The following CLTCL1 variants were observed in gnomAD, a reference collection of about 807,000 sequenced individuals.
The protein encoded by CLTCL1 is clathrin heavy chain 2.
In CLTCL1, 159 loss-of-function variants were observed where a neutral mutation model predicts 190.0. That is an observed-to-expected ratio of 0.84 (90% CI 0.74 to 0.95). The LOEUF is 0.95. Ranked by LOEUF, CLTCL1 falls within the 40% of genes least tolerant of loss-of-function variation. The probability of loss-of-function intolerance (pLI) is 0.00; values close to 1 mark genes in which losing one functional copy is unlikely to be tolerated. For synonymous variants in CLTCL1, 752 were observed against 769.6 expected, an observed-to-expected ratio of 0.98 and a Z score of 0.38; for missense variants, 1,878 against 2,033.4, an observed-to-expected ratio of 0.92 and a Z score of 1.47.
intron 1 of CLTCL1, among the ~76,000 whole-genome samples, chr22:19,282,444 C>A (rs2087751343): frequency 6.6e-6 from 1 of 151,698 alleles, no homozygotes; most frequent in Non-Finnish European, 1.5e-5. Flanking sequence ...TCAAGACCAG[C>A]CTGGCCAACA....
intron 2 of CLTCL1, among the ~76,000 whole-genome samples, chr22:19,267,501 T>G (rs979827512): frequency 2.2e-4 from 33 of 152,204 alleles, no homozygotes; most frequent in Non-Finnish European, 4.1e-4. Context: ...TCAAAGAGTT[T>G]CAAAAACTAT....
chr22:19,232,719 T>G (rs781863793), intron 9 of CLTCL1, 121 bp from the exon 10 acceptor site: 17 of 1,269,342 alleles, frequency 1.3e-5, no homozygotes, highest in Non-Finnish European at 1.7e-5. Context: ...AACATTATCA[T>G]GTGTAGGTAC....
intron 23 of CLTCL1, among the ~76,000 whole-genome samples, chr22:19,200,646 C>A (rs2084852331): frequency 6.6e-6 from 1 of 152,144 alleles, no homozygotes; most frequent in Non-Finnish European, 1.5e-5. Flanking sequence ...AGAGACCATC[C>A]TGGCTAACAT....
At chr22:19,192,294 T>TGAACTCGTGATCTCCC (rs2084536993) in intron 26 of CLTCL1, among the ~76,000 whole-genome samples, 1 of 152,150 alleles carries the variant, frequency 6.6e-6, no homozygotes, top group Admixed American at 6.5e-5. Flanking sequence ...CTCGATCTCC[T>TGAACTCGTGATCTCCC]GACCTCGTGA....
chr22:19,217,508 C>T (rs1184041921), intron 18 of CLTCL1, among the ~76,000 whole-genome samples: 3 of 145,304 alleles, frequency 2.1e-5, no homozygotes, highest in Non-Finnish European at 4.5e-5. Context: ...CCCAGCTACT[C>T]GGGAGGCTGA....
Position 19,180,771 on chromosome 22 carries a change from C to A in CLTCL1, c.4863G>T (p.Lys1621Asn), listed in dbSNP as rs1601413281. 6.2e-6 allele frequency: 10 copies of A among 1,613,832 alleles called. No homozygotes were observed. In the East Asian group the frequency reaches 2.2e-4, roughly 36 times the overall value. Residue 1621 changes from lysine to asparagine, a missense_variant, in exon 31 of 33, where the codon AAG (lysine) becomes AAT (asparagine). Lys to Asn is a moderately conservative substitution (Grantham distance 94). Transcript: ENST00000427926. ...DKLDALESLR[K>N]QEEHVTEPAP... ...CAGGCTCTGTCACATGCTCCTCTTG[C>A]TTGCGCAGACTCTCCAAGGCATCCA... is the stretch of plus-strand genomic sequence containing the variant.
intron 2 of CLTCL1, among the ~76,000 whole-genome samples, chr22:19,271,649 T>A (rs552353536): frequency 6.6e-6 from 1 of 152,300 alleles, no homozygotes; most frequent in South Asian, 2.1e-4. Flanking sequence ...TCTCAGGTAG[T>A]TCTTTATAGC....
intron 4 of CLTCL1, among the ~76,000 whole-genome samples, chr22:19,240,889 A>C (rs2086233139): frequency 6.6e-6 from 1 of 152,162 alleles, no homozygotes; most frequent in East Asian, 1.9e-4. Context: ...CAGCAGGAGG[A>C]GGTTGGCAGA....
chr22:19,221,811 A>G (rs2085579647), intron 16 of CLTCL1, 140 bp downstream of exon 16: 2 of 1,037,392 alleles, frequency 1.9e-6, no homozygotes, highest in African/African-American at 1.6e-5. Context: ...TCACAGTACC[A>G]ATAGCAAGTA....
chr22:19,219,112 G>A (rs999210197), intron 18 of CLTCL1, among the ~76,000 whole-genome samples: 1 of 152,130 alleles, frequency 6.6e-6, no homozygotes, highest in African/African-American at 2.4e-5. Flanking sequence ...GCTATTTTTA[G>A]GCAAGCTATT....
chr22:19,226,068 G>T (rs1305642638), intron 12 of CLTCL1, 151 bp downstream of exon 12: 3 of 902,574 alleles, frequency 3.3e-6, no homozygotes, highest in East Asian at 2.7e-5. Flanking sequence ...GGCTGAATTA[G>T]AACTGCTTTT....
At position 19,191,433 on chromosome 22, in the gene CLTCL1, A is replaced by G. The variant is rs1555932085; in HGVS notation, c.4194T>C (p.Val1398=). ...CTCTGTAACAGAGCTCGACGTTGGC[A>G]ACCTGTGGTGAGCAAAGCTGAGGGT... The part of the protein sequence containing the change: ...EGQFKDIITK[V]ANVELCYRAL... The change falls in exon 27 of 33, where the codon GTT becomes GTC. Residue 1398 remains valine (V), a splice_region_variant and synonymous_variant. Coordinates refer to ENST00000427926, the MANE Select transcript of CLTCL1 (RefSeq NM_007098.4). 1 of 1,613,350 alleles carries G rather than the reference A, an allele frequency of 6.2e-7. No individual in the cohort carries two copies. The highest frequency in any genetic ancestry group is 8.5e-7 in the Non-Finnish European group (1 of 1,179,848).
In CLTCL1 at chr22:19,198,166, T is replaced by A. The variant is rs1290443690; in HGVS notation, c.3874-1510A>T. ...TCTACTTATTCAAGCCAAAACCAAA[T>A]GGAGTTATCCTGGGCTTTTCTCTCT... On this transcript the variant is annotated intron_variant, in intron 24 of 32. Transcript: ENST00000427926. The surrounding 1 kb of genome is among the most constrained non-coding windows in gnomAD (Gnocchi z 4.1). Among the ~76,000 whole-genome samples, 2 of 152,228 alleles carry A rather than the reference T, an allele frequency of 1.3e-5. No homozygotes were observed. Among genetic ancestry groups the A allele is most frequent in the African/African-American group, 4.8e-5 (2 of 41,462 alleles).
chr22:19,196,576 A>T lies in CLTCL1; in HGVS notation c.3954T>A (p.Thr1318=). ...ATTTGGAGTAGAGGATGGCCAGCTC[A>T]GTGAACATGCCCATGTGGGCCCGCT... is the stretch of plus-strand genomic sequence containing the variant. ...GLERAHMGMF[T]ELAILYSKFK... Residue 1318 remains threonine (T), a synonymous_variant, in exon 25 of 33, where the codon ACT becomes ACA. Coordinates refer to ENST00000427926, the MANE Select transcript of CLTCL1 (RefSeq NM_007098.4). 1 of 1,613,928 alleles carries T rather than the reference A, an allele frequency of 6.2e-7. No individual in the cohort carries two copies. Among genetic ancestry groups the T allele is most frequent in the Non-Finnish European group, 8.5e-7 (1 of 1,179,850 alleles).
At chr22:19,206,848 A>G (rs552642318) in intron 22 of CLTCL1, among the ~76,000 whole-genome samples, 1 of 152,090 alleles carries the variant, frequency 6.6e-6, no homozygotes, top group Middle Eastern at 3.4e-3. Flanking sequence ...TCTGCATCAC[A>G]TTTTCCAAGG....
chr22:19,195,745 C>G (rs1373187537), intron 26 of CLTCL1, among the ~76,000 whole-genome samples: 1 of 152,150 alleles, frequency 6.6e-6, no homozygotes, highest in Non-Finnish European at 1.5e-5. Flanking sequence ...CACCACCCAA[C>G]AGTGTGGCTG....
intron 2 of CLTCL1, among the ~76,000 whole-genome samples, chr22:19,262,761 T>C (rs1471018658): frequency 6.6e-6 from 1 of 151,998 alleles, no homozygotes; most frequent in Admixed American, 6.6e-5. Context: ...CTGGGTACAG[T>C]GGCTCATGCC....
rs35109488 is a variant in CLTCL1, at chr22:19,183,376, G to C, written c.4827+14C>G. The C allele has an allele frequency of 1.2e-6, 2 of 1,608,226 alleles. No homozygotes were observed. The highest frequency in any genetic ancestry group is 2.2e-5 in the South Asian group (2 of 90,678). ...ACACAGGGGCCGGGGAGCTGCAGCC[G>C]GCCCGGCACCTACCTTGCTCAGGTA... On this transcript the variant is annotated intron_variant, in intron 30 of 32. Transcript: ENST00000427926.
At chr22:19,291,326 C>T (rs1260946705) in intron 1 of CLTCL1, among the ~76,000 whole-genome samples, 1 of 152,156 alleles carries the variant, frequency 6.6e-6, no homozygotes, top group African/African-American at 2.4e-5. Flanking sequence ...CTCGCGGGCA[C>T]TGAGCGGGGC....
Sources: gnomAD v4.1 joint callset for allele counts (sites outside exome capture counted in the v4.1 genomes callset) on GRCh38, gnomAD v4.1.1 for gene constraint, Gnocchi (gnomAD v3.1) non-coding constraint, MANE v1.5 for transcripts, NCBI Gene and HGNC (gene_info 2026-07-23, HGNC 2026-07-21) for gene names.